The following FST variants were observed in gnomAD, a reference collection of about 807,000 sequenced individuals.
The protein encoded by FST is follistatin.
A neutral mutation model predicts 38.4 loss-of-function variants in FST; 6 were observed. That is an observed-to-expected ratio of 0.16 (90% CI 0.09 to 0.31). The LOEUF is 0.31. FST is among the 10% of genes least tolerant of loss of function. The probability of loss-of-function intolerance (pLI) is 1.00; values close to 1 mark genes in which losing one functional copy is unlikely to be tolerated. For missense variants in FST, 301 were observed against 432.3 expected, an observed-to-expected ratio of 0.70 and a Z score of 2.69; for synonymous variants, 157 against 169.8, an observed-to-expected ratio of 0.92 and a Z score of 0.59.
In FST at chr5:53,484,184, A is replaced by G. The variant is rs374470523; in HGVS notation, c.612A>G (p.Gln204=). The G allele has an allele frequency of 5.7e-5, 92 of 1,613,524 alleles. No individual in the cohort carries two copies. The highest frequency in any genetic ancestry group is 1.6e-4 in the Middle Eastern group (1 of 6,082). ...GCCCAGAGCCTGCTTCCTCTGAGCA[A>G]TATCTCTGTGGGAATGATGGAGTCA... is the stretch of plus-strand genomic sequence containing the variant. The part of the protein sequence containing the change: ...RICPEPASSE[Q]YLCGNDGVTY... The change falls in exon 4 of 6, where the codon CAA becomes CAG. Residue 204 remains glutamine (Q), a synonymous_variant. Coordinates refer to ENST00000256759, the MANE Select transcript of FST (RefSeq NM_013409.3).
At position 53,487,039 on chromosome 5, in the gene FST, T is replaced by G. The variant is rs1253378748; in HGVS notation, c.*1006T>G. 1 of 152,216 alleles carries G rather than the reference T, an allele frequency of 6.6e-6. No homozygotes were observed. Among genetic ancestry groups the G allele is most frequent in the East Asian group, 1.9e-4 (1 of 5,200 alleles). The allele number at this position is 152,216 out of a possible 1,614,324, so 9.4% of individuals were successfully genotyped here. On this transcript the variant is annotated 3_prime_UTR_variant, in exon 6 of 6. Coordinates refer to ENST00000256759, the MANE Select transcript of FST (RefSeq NM_013409.3). ...TTCATTTAAATATATAGTTTTGTAC[T>G]TTTCTACCATGTAAATGTGCAATGT...
chr5:53,485,025 C>T lies in FST; in HGVS notation c.750C>T (p.Cys250=), dbSNP rs187019328. The stretch of plus-strand genomic sequence containing the variant: ...CAAAGTCCTGTGAAGATATCCAGTG[C>T]ACTGGTGGGAAAAAATGTTTATGGG... ...IKAKSCEDIQ[C]TGGKKCLWDF... is the part of the protein sequence containing the mutation. Residue 250 remains cysteine (C), a synonymous_variant, in exon 5 of 6, where the codon TGC becomes TGT. Coordinates refer to ENST00000256759, the MANE Select transcript of FST (RefSeq NM_013409.3). The T allele has an allele frequency of 1.9e-6, 3 of 1,603,278 alleles. No individual in the cohort carries two copies. The highest frequency in any genetic ancestry group is 1.7e-6 in the Non-Finnish European group (2 of 1,170,134).
Position 53,486,117 on chromosome 5 carries a change from A to C in FST, c.*84A>C. ...AAGAAAAAGAAAAAAAGAAAAATAT[A>C]TTGTCCATACTGTAAATAAGTGTAT... On this transcript the variant is annotated 3_prime_UTR_variant, in exon 6 of 6. Transcript: ENST00000256759. The C allele has an allele frequency of 1.4e-6, 1 of 712,420 alleles. No homozygotes were observed. The highest frequency in any genetic ancestry group is 2.3e-6 in the Non-Finnish European group (1 of 427,860). The allele number at this position is 712,420 out of a possible 1,614,324, so 44.1% of individuals were successfully genotyped here. A position where few individuals can be genotyped will look rare whatever the true frequency, so the allele number is the denominator to read the frequency against.
intron 4 of FST, 118 bp downstream of exon 4, chr5:53,484,411 G>A (rs1747425566): frequency 3.8e-6 from 4 of 1,045,140 alleles, no homozygotes; most frequent in Non-Finnish European, 5.5e-6. Flanking sequence ...GGAGAAATAC[G>A]CTGCAATTTG....
At chr5:53,485,373 T>G in intron 5 of FST, 146 bp downstream of exon 5, 1 of 626,164 alleles carries the variant, frequency 1.6e-6, no homozygotes, top group Admixed American at 2.7e-5. Context: ...AATTCAATAA[T>G]CCACAGAAAA....
At chr5:53,482,304 CTTCT>C (rs1442713214) in intron 1 of FST, among the ~76,000 whole-genome samples, 2 of 144,382 alleles carry the variant, frequency 1.4e-5, no homozygotes, top group South Asian at 2.2e-4. Flanking sequence ...CTTTCTTTCT[CTTCT>C]TTCTTTTCTT....
chr5:53,485,894 T>G, intron 5 of FST, 57 bp from the exon 6 acceptor site: 1 of 1,602,696 alleles, frequency 6.2e-7, no homozygotes, highest in South Asian at 1.1e-5. Context: ...ACTGAGCTGC[T>G]TCTGCGCTGT....
At chr5:53,481,016 A>G in intron 1 of FST, 140 bp downstream of exon 1, 1 of 372,598 alleles carries the variant, frequency 2.7e-6, no homozygotes, top group Non-Finnish European at 5.0e-6. Context: ...GATGGAGAGG[A>G]GTGGGAAAAT....
In FST at chr5:53,480,843, C is replaced by T. The variant is rs150238035; in HGVS notation, c.52C>T (p.Leu18Phe). The change falls in exon 1 of 6, where the codon CTC (leucine) becomes TTC (phenylalanine). Residue 18 changes from leucine to phenylalanine, a missense_variant. By Grantham distance (22) the Leu-to-Phe change is conservative. Transcript: ENST00000256759. ...TGGGCTTTGCCTCCTGCTGCTGCTG[C>T]TCTGCCAGTTCATGGAGGACCGCAG... ...PGGLCLLLLL[L>F]CQFMEDRSAQ... 732 of 1,534,458 alleles carry T rather than the reference C, an allele frequency of 4.8e-4. 5 individuals carry two copies. The African/African-American group carries it at 9.3e-3, about 20-fold the overall frequency.
Position 53,483,661 on chromosome 5 carries a change from C to T in FST, c.435C>T (p.Leu145=). Residue 145 remains leucine (L), a synonymous_variant, in exon 3 of 6, where the codon CTC becomes CTT. Coordinates refer to ENST00000256759, the MANE Select transcript of FST (RefSeq NM_013409.3). The surrounding 1 kb of genome is among the most constrained non-coding windows in gnomAD (Gnocchi z 4.1). Reference sequence around the variant, plus strand: ...AAACCTACCGCAATGAATGTGCACTCCTAAAGGCAAGATGTAAAGAGCAGC... The same window carrying T: ...AAACCTACCGCAATGAATGTGCACTTCTAAAGGCAAGATGTAAAGAGCAGC... ...DGKTYRNECA[L]LKARCKEQPE... The T allele has an allele frequency of 8.7e-6, 14 of 1,614,142 alleles. No homozygotes were observed. The highest frequency in any genetic ancestry group is 1.3e-5 in the African/African-American group (1 of 75,020).
At chr5:53,482,455 C>T (rs1346826332) in intron 1 of FST, among the ~76,000 whole-genome samples, 1 of 151,958 alleles carries the variant, frequency 6.6e-6, no homozygotes, top group Non-Finnish European at 1.5e-5. Context: ...TAAAAACATC[C>T]GTCGCATCCT....
intron 1 of FST, among the ~76,000 whole-genome samples, chr5:53,482,167 G>T (rs1018982598): frequency 1.3e-5 from 2 of 152,212 alleles, no homozygotes; most frequent in Non-Finnish European, 2.9e-5. Context: ...GGCTGGGCCG[G>T]GTTGCTTTTT....
rs1253846252 is a variant in FST at position 53,483,600 on chromosome 5, T to C, written c.374T>C (p.Ile125Thr). The part of the protein sequence containing the change: ...RCVCAPDCSN[I>T]TWKGPVCGLD... ...GTCTGCGCCCCGGATTGTTCCAACA[T>C]CACCTGGAAGGGTCCAGTCTGCGGG... Residue 125 changes from isoleucine to threonine, a missense_variant, in exon 3 of 6, where the codon ATC becomes ACC. Physicochemically the swap from Ile to Thr is moderately conservative, Grantham distance 89 (BLOSUM62 -1). Transcript: ENST00000256759. The surrounding 1 kb of genome is among the most constrained non-coding windows in gnomAD (Gnocchi z 4.1). The C allele has an allele frequency of 1.2e-6, 2 of 1,613,948 alleles. No homozygotes were observed. Among genetic ancestry groups the C allele is most frequent in the African/African-American group, 2.7e-5 (2 of 74,878 alleles).
intron 1 of FST, 55 bp from the exon 2 acceptor site, chr5:53,482,824 GC>G (rs1747319999): frequency 2.7e-6 from 3 of 1,103,388 alleles, no homozygotes; most frequent in Non-Finnish European, 3.9e-6. Context: ...CGCTCTCCCT[GC>G]CCTGCCACCG....
chr5:53,483,112 G>A lies in FST; in HGVS notation c.277+41G>A. On this transcript the variant is annotated intron_variant, in intron 2 of 5. Coordinates refer to ENST00000256759, the MANE Select transcript of FST (RefSeq NM_013409.3). This position sits in a 1 kb window ranked among gnomAD's most constrained non-coding sequence, Gnocchi z 4.1. ...CCCAACTTGCAGGCCCTCAGTAGAG[G>A]GCGTCTTACCCTTAGCTTCCCCACT... The A allele has an allele frequency of 7.1e-7, 1 of 1,413,614 alleles. No homozygotes were observed. The highest frequency in any genetic ancestry group is 9.9e-7 in the Non-Finnish European group (1 of 1,007,164). 87.6% of individuals were successfully genotyped at this position (1,413,614 alleles called of 1,614,324 possible). A position where few individuals can be genotyped will look rare whatever the true frequency, so the allele number is the denominator to read the frequency against.
chr5:53,485,004 G>T lies in FST; in HGVS notation c.729G>T (p.Lys243Asn). 6.4e-7 allele frequency: 1 copy of T among 1,566,492 alleles called. No individual in the cohort carries two copies. Among genetic ancestry groups the T allele is most frequent in the Non-Finnish European group, 8.8e-7 (1 of 1,136,432 alleles). Residue 243 changes from lysine (K) to asparagine (N), a missense_variant, in exon 5 of 6, where the codon AAG (lysine) becomes AAT (asparagine). Transcript: ENST00000256759. The stretch of plus-strand genomic sequence containing the variant: ...AGATGTATTATATCCTAGAAGCAAA[G>T]TCCTGTGAAGATATCCAGTGCACTG... Reference protein sequence around the residue: ...LAYEGKCIKAKSCEDIQCTGG... With the variant: ...LAYEGKCIKANSCEDIQCTGG...
At chr5:53,484,048 G>A in intron 3 of FST, 21 bp from the exon 4 acceptor site, 1 of 1,605,842 alleles carries the variant, frequency 6.2e-7, no homozygotes, top group Non-Finnish European at 8.5e-7. Flanking sequence ...CTATTCATGT[G>A]TGTTTCCTTC....
Position 53,485,184 on chromosome 5 carries a change from C to T in FST, c.909C>T (p.Ser303=). ...SECAMKEAAC[S]SGVLLEVKHS... ...GTGCCATGAAGGAAGCTGCCTGCTC[C>T]TCAGGTGTGCTACTGGAAGTAAAGC... Residue 303 remains serine, a synonymous_variant, in exon 5 of 6, where the codon TCC becomes TCT. Transcript: ENST00000256759. 6 of 1,612,106 alleles carry T rather than the reference C, an allele frequency of 3.7e-6. No homozygotes were observed. In the South Asian group the frequency reaches 5.5e-5, roughly 15 times the overall value.
At chr5:53,481,119 G>A (rs1208990048) in intron 1 of FST, among the ~76,000 whole-genome samples, 1 of 151,908 alleles carries the variant, frequency 6.6e-6, no homozygotes, top group East Asian at 1.9e-4. Flanking sequence ...TAGTAGTTAG[G>A]GTTAAATGCT....
Sources: gnomAD v4.1 joint callset for allele counts (sites outside exome capture counted in the v4.1 genomes callset) on GRCh38, gnomAD v4.1.1 for gene constraint, Gnocchi (gnomAD v3.1) non-coding constraint, MANE v1.5 for transcripts, NCBI Gene and HGNC (gene_info 2026-07-23, HGNC 2026-07-21) for gene names.